The following MINDY4 variants were observed in gnomAD, a reference collection of about 807,000 sequenced individuals.
MINDY4 encodes probable ubiquitin carboxyl-terminal hydrolase MINDY-4.
In MINDY4, 68 loss-of-function variants were observed where a neutral mutation model predicts 87.0. The ratio of observed to expected loss-of-function variants is 0.78; its 90% CI spans 0.64 to 0.96. The LOEUF is 0.96. Among genes scored for constraint, MINDY4 ranks in the 40% least tolerant of loss-of-function variants. The probability of loss-of-function intolerance (pLI) is 0.00; values close to 1 mark genes in which losing one functional copy is unlikely to be tolerated. For synonymous variants in MINDY4, 379 were observed against 363.2 expected, an observed-to-expected ratio of 1.04 and a Z score of -0.50; for missense variants, 919 against 928.2, an observed-to-expected ratio of 0.99 and a Z score of 0.13.
chr7:30,837,831 C>T (rs1788906268), intron 7 of MINDY4, among the ~76,000 whole-genome samples: 1 of 152,214 alleles, frequency 6.6e-6, no homozygotes, highest in African/African-American at 2.4e-5. Flanking sequence ...CTGTTGACCA[C>T]ACTGTGCCTA....
chr7:30,777,396 C>T (rs1486460726), intron 1 of MINDY4, among the ~76,000 whole-genome samples: 2 of 152,210 alleles, frequency 1.3e-5, no homozygotes, highest in Non-Finnish European at 2.9e-5. Context: ...AACCCCACCT[C>T]TCCTTCAAAT....
At chr7:30,777,054 G>T (rs1460983450) in intron 1 of MINDY4, among the ~76,000 whole-genome samples, 1 of 148,918 alleles carries the variant, frequency 6.7e-6, no homozygotes, top group Non-Finnish European at 1.5e-5. Context: ...CTTTCATCCA[G>T]GATGGAGTGC....
chr7:30,811,555 C>A lies in MINDY4; in HGVS notation c.1074-17124C>A, dbSNP rs6956006. On this transcript the variant is annotated intron_variant, in intron 5 of 17. Transcript: ENST00000265299. ...ACCACCCCTCATATTGTCTTATGCC[C>A]GATTTCTGCTTCCAAAGAAAGAAGA... Among the ~76,000 whole-genome samples, 265 of 152,244 alleles carry A rather than the reference C, an allele frequency of 1.7e-3. 1 individual carries two copies. The highest frequency in any genetic ancestry group is 5.9e-3 in the African/African-American group (244 of 41,516).
intron 9 of MINDY4, among the ~76,000 whole-genome samples, chr7:30,847,713 T>C (rs1476232316): frequency 6.6e-6 from 1 of 151,582 alleles, no homozygotes; most frequent in East Asian, 1.9e-4. Context: ...TATATGTGTG[T>C]GTGTTTTTTG....
chr7:30,848,466 A>G (rs1170671891), intron 9 of MINDY4, among the ~76,000 whole-genome samples: 1 of 152,258 alleles, frequency 6.6e-6, no homozygotes, highest in Non-Finnish European at 1.5e-5. Flanking sequence ...GTATGAGAGC[A>G]GGGCATGAAG....
chr7:30,799,376 A>G (rs1787584612), intron 5 of MINDY4, among the ~76,000 whole-genome samples: 1 of 152,128 alleles, frequency 6.6e-6, no homozygotes, highest in Non-Finnish European at 1.5e-5. Context: ...ACCTGTGGGT[A>G]TATAGTAAAT....
intron 15 of MINDY4, among the ~76,000 whole-genome samples, 178 bp downstream of exon 15, chr7:30,875,834 A>G (rs1012256338): frequency 6.6e-6 from 1 of 152,336 alleles, no homozygotes; most frequent in South Asian, 2.1e-4. Context: ...CTACAGGCCT[A>G]TAATTCAGAC....
rs200916352 is a variant in MINDY4, at chr7:30,839,284, G to A, written c.1324G>A (p.Ala442Thr). The change falls in exon 8 of 18, where the codon GCC becomes ACC. Residue 442 changes from alanine to threonine, a missense_variant. Physicochemically the swap from Ala to Thr is moderately conservative, Grantham distance 58. Transcript: ENST00000265299. ...KLQSFSFSNT[A>T]SLKYGIVQNK... ...TCAGAGTTTTTCCTTTAGTAACACAGCCTCATTAAAATACGGCATAGTGCA... is the reference window on the plus strand; with the variant it reads ...TCAGAGTTTTTCCTTTAGTAACACAACCTCATTAAAATACGGCATAGTGCA... The A allele has an allele frequency of 2.5e-4, 405 of 1,611,442 alleles. 1 individual carries two copies. The African/African-American group carries it at 4.6e-3, about 18-fold the overall frequency.
At chr7:30,822,575 A>G (rs1426096091) in intron 5 of MINDY4, among the ~76,000 whole-genome samples, 1 of 151,814 alleles carries the variant, frequency 6.6e-6, no homozygotes, top group African/African-American at 2.4e-5. Flanking sequence ...TTTTTTTTCA[A>G]TCCAGGATCC....
intron 14 of MINDY4, among the ~76,000 whole-genome samples, chr7:30,873,818 T>C (rs535854321): frequency 1.3e-5 from 2 of 152,322 alleles, no homozygotes; most frequent in South Asian, 4.1e-4. Context: ...TGAAAAAGGC[T>C]GTGCCTTTCT....
intron 15 of MINDY4, among the ~76,000 whole-genome samples, chr7:30,881,522 G>A (rs539322332): frequency 6.6e-6 from 1 of 152,108 alleles, no homozygotes; most frequent in Non-Finnish European, 1.5e-5. Context: ...TCTTTACCGT[G>A]CAGTTCTAGT....
rs777804121 is a variant in MINDY4, at chr7:30,771,498, ACAG to A, written c.7_9del (p.Ser3del). The A allele has an allele frequency of 6.2e-7, 1 of 1,605,156 alleles. No homozygotes were observed. The highest frequency in any genetic ancestry group is 8.5e-7 in the Non-Finnish European group (1 of 1,177,076). ...GGCAGAGCCAGAGCCAGAGCCATGG[ACAG>A]CCTCTTCGTGGAGGAGGTGGCCGCC... On this transcript the variant is annotated inframe_deletion, in exon 1 of 18. Coordinates refer to ENST00000265299, the MANE Select transcript of MINDY4 (RefSeq NM_032222.3).
intron 6 of MINDY4, 29 bp downstream of exon 6, chr7:30,828,766 G>A: frequency 6.2e-7 from 1 of 1,608,350 alleles, no homozygotes; most frequent in Non-Finnish European, 8.5e-7. Context: ...TCTGTGCTGT[G>A]CCCATCAGGG....
chr7:30,852,284 G>A lies in MINDY4; in HGVS notation c.1611+5G>A, dbSNP rs200739747. On this transcript the variant is annotated splice_donor_5th_base_variant and intron_variant, in intron 11 of 17. Coordinates refer to ENST00000265299, the MANE Select transcript of MINDY4 (RefSeq NM_032222.3). ...GCAGATGGAGTCTTAGAAACAGTACGACTTTCTGGAAAATTATCACGCAAA... is the reference window on the plus strand; with the variant it reads ...GCAGATGGAGTCTTAGAAACAGTACAACTTTCTGGAAAATTATCACGCAAA... 1.5e-5 allele frequency: 24 copies of A among 1,614,024 alleles called. No individual in the cohort carries two copies. The highest frequency in any genetic ancestry group is 1.9e-5 in the Non-Finnish European group (22 of 1,179,964).
intron 13 of MINDY4, among the ~76,000 whole-genome samples, chr7:30,866,406 G>A (rs923212160): frequency 6.6e-6 from 1 of 152,208 alleles, no homozygotes; most frequent in Non-Finnish European, 1.5e-5. Flanking sequence ...CCTGGAAGCT[G>A]TTCACCAGGG....
At chr7:30,885,271 G>C (rs1188400063) in intron 17 of MINDY4, among the ~76,000 whole-genome samples, 1 of 152,170 alleles carries the variant, frequency 6.6e-6, no homozygotes, top group East Asian at 1.9e-4. Flanking sequence ...TATAATCCCA[G>C]CACTTTGGAA....
intron 5 of MINDY4, among the ~76,000 whole-genome samples, chr7:30,798,066 T>TA (rs1284881422): frequency 2.0e-5 from 3 of 152,142 alleles, no homozygotes; most frequent in Admixed American, 6.5e-5. Flanking sequence ...AGAGTGTACT[T>TA]ACACTGACCT....
At chr7:30,810,343 GA>G (rs57035996) in intron 5 of MINDY4, among the ~76,000 whole-genome samples, 7,964 of 131,840 alleles carry the variant, frequency 0.06, 235 homozygotes, top group Middle Eastern at 0.11. Context: ...TAAAACTATT[GA>G]AAAAAAAAAA....
rs572880227 is a variant in MINDY4 at position 30,817,366 on chromosome 7, CT to C, written c.1074-11293del. Among the ~76,000 whole-genome samples, 556 of 114,122 alleles carry C rather than the reference CT, an allele frequency of 4.9e-3. 2 individuals carry two copies. The highest frequency in any genetic ancestry group is 0.012 in the African/African-American group (378 of 31,876). The allele number at this position is 114,122 out of a possible 152,430, so 74.9% of individuals were successfully genotyped here. ...TCTTCCATGGAGAACTTGGGTTTGT[CT>C]TTTTTTTTTTTTTTTTTTTAGCATT... On this transcript the variant is annotated intron_variant, in intron 5 of 17. Coordinates refer to ENST00000265299, the MANE Select transcript of MINDY4 (RefSeq NM_032222.3).
Sources: allele counts gnomAD v4.1 joint callset (sites outside exome capture counted in the v4.1 genomes callset), GRCh38; gene constraint gnomAD v4.1.1; transcripts MANE v1.5; gene names NCBI Gene and HGNC (gene_info 2026-07-23, HGNC 2026-07-21).